IGSF21: variants seen among roughly 807,000 people sequenced by gnomAD.
IGSF21 encodes immunoglobulin superfamily member 21.
Under a neutral mutation model 46.8 loss-of-function variants are expected in IGSF21, and 28 were observed. The observed-to-expected ratio is 0.60, with a 90% confidence interval of 0.44 to 0.82. The LOEUF is 0.82. Ranked by LOEUF, IGSF21 falls within the 40% of genes least tolerant of loss-of-function variation. The pLI is 0.00. For missense variants in IGSF21, 624 were observed against 665.5 expected, an observed-to-expected ratio of 0.94 and a Z score of 0.69; for synonymous variants, 284 against 273.6, an observed-to-expected ratio of 1.04 and a Z score of -0.38.
At chr1:18,258,120 A>C (rs1240395798) in intron 2 of IGSF21, among the ~76,000 whole-genome samples, 4 of 151,854 alleles carry the variant, frequency 2.6e-5, no homozygotes, top group Non-Finnish European at 5.9e-5. Flanking sequence ...GCTCCTTGAC[A>C]CTCCCCAAGT....
At chr1:18,308,464 G>A (rs190241433) in intron 3 of IGSF21, among the ~76,000 whole-genome samples, 2 of 152,302 alleles carry the variant, frequency 1.3e-5, no homozygotes, top group African/African-American at 4.8e-5. Context: ...CACACAAAGA[G>A]TTTAGGTTTG....
At chr1:18,325,945 A>C (rs12725852) in intron 3 of IGSF21, among the ~76,000 whole-genome samples, 51,139 of 144,528 alleles carry the variant, frequency 0.35, 10,170 homozygotes, top group South Asian at 0.51. Flanking sequence ...AGGCCAAGCT[A>C]ACTGACCTGA....
At chr1:18,147,369 T>G (rs1016142503) in intron 1 of IGSF21, among the ~76,000 whole-genome samples, 2 of 152,092 alleles carry the variant, frequency 1.3e-5, no homozygotes, top group African/African-American at 4.8e-5. Context: ...CTCCCAAGCG[T>G]GCTTGTCCAG....
intron 4 of IGSF21, among the ~76,000 whole-genome samples, chr1:18,338,124 G>A (rs2085790984): frequency 6.6e-6 from 1 of 152,166 alleles, no homozygotes; most frequent in African/African-American, 2.4e-5. Flanking sequence ...CGAGGTTGGA[G>A]GGTTAAAGGA....
At chr1:18,273,223 T>C (rs1235240210) in intron 2 of IGSF21, among the ~76,000 whole-genome samples, 1 of 151,688 alleles carries the variant, frequency 6.6e-6, no homozygotes, top group Non-Finnish European at 1.5e-5. Flanking sequence ...GTATTTTTAG[T>C]AGAGACGGGG....
intron 1 of IGSF21, among the ~76,000 whole-genome samples, chr1:18,182,815 C>T (rs2086869429): frequency 6.6e-6 from 1 of 152,182 alleles, no homozygotes; most frequent in African/African-American, 2.4e-5. Context: ...CTAATGGGGT[C>T]CGAAGCCTCT....
At chr1:18,149,385 G>T (rs1334203183) in intron 1 of IGSF21, among the ~76,000 whole-genome samples, 1 of 152,218 alleles carries the variant, frequency 6.6e-6, no homozygotes, top group African/African-American at 2.4e-5. Context: ...CACAGAGGGA[G>T]GGGGTGGCCA....
At chr1:18,213,375 G>A (rs896155665) in intron 1 of IGSF21, among the ~76,000 whole-genome samples, 7 of 152,092 alleles carry the variant, frequency 4.6e-5, no homozygotes, top group Non-Finnish European at 7.3e-5. Flanking sequence ...GGGCTTTTGG[G>A]GACCATAGGA....
At chr1:18,217,299 C>T (rs1350094507) in intron 1 of IGSF21, among the ~76,000 whole-genome samples, 4 of 152,208 alleles carry the variant, frequency 2.6e-5, no homozygotes, top group Admixed American at 6.5e-5. Context: ...CCGCTGCCCC[C>T]TGAGGAAAGG....
At chr1:18,158,061 C>T (rs546314991) in intron 1 of IGSF21, among the ~76,000 whole-genome samples, 38 of 152,280 alleles carry the variant, frequency 2.5e-4, no homozygotes, top group African/African-American at 8.9e-4. Context: ...ATATCTCCCC[C>T]ATCAAACTGG....
chr1:18,272,895 A>G (rs775675727), intron 2 of IGSF21, among the ~76,000 whole-genome samples: 13 of 152,158 alleles, frequency 8.5e-5, no homozygotes, highest in Non-Finnish European at 1.6e-4. Context: ...AGGAGACAAT[A>G]AAACCACAAA....
intron 3 of IGSF21, among the ~76,000 whole-genome samples, chr1:18,295,411 C>T (rs932164609): frequency 3.3e-5 from 5 of 152,158 alleles, no homozygotes; most frequent in African/African-American, 1.2e-4. Flanking sequence ...CACGGCTTTG[C>T]AATCTAGTCG....
chr1:18,238,628 G>A (rs1445127879), intron 2 of IGSF21, among the ~76,000 whole-genome samples: 2 of 152,072 alleles, frequency 1.3e-5, no homozygotes, highest in African/African-American at 2.4e-5. Context: ...CTCTTGAGAG[G>A]GGGTGCCAAC....
chr1:18,288,433 C>A (rs1299697847), intron 2 of IGSF21, among the ~76,000 whole-genome samples: 1 of 152,220 alleles, frequency 6.6e-6, no homozygotes. Context: ...GGACTGTGTA[C>A]CTCTTGTGAA....
chr1:18,311,332 C>T (rs921366857), intron 3 of IGSF21, among the ~76,000 whole-genome samples: 1 of 152,210 alleles, frequency 6.6e-6, no homozygotes, highest in Non-Finnish European at 1.5e-5. Context: ...ATCCATAAGA[C>T]TAATCACTGT....
At chr1:18,121,706 G>A (rs1282591630) in intron 1 of IGSF21, among the ~76,000 whole-genome samples, 1 of 152,060 alleles carries the variant, frequency 6.6e-6, no homozygotes, top group Non-Finnish European at 1.5e-5. Context: ...CCATTCCTAC[G>A]TGCTCAGTGG....
Position 18,303,232 on chromosome 1 carries a change from C to G in IGSF21, c.305+11245C>G, listed in dbSNP as rs373521601. Among the ~76,000 whole-genome samples the G allele has an allele frequency of 9.4e-4, 143 of 152,276 alleles. 2 individuals are homozygous for G. In the South Asian group the frequency reaches 0.022, roughly 23 times the overall value. On this transcript the variant is annotated intron_variant, in intron 3 of 9. Coordinates refer to ENST00000251296, the MANE Select transcript of IGSF21 (RefSeq NM_032880.5). ...TCCAAATATGGAATTATGATTTCAG[C>G]AAAACTCTTCCCCACCCATTGTTTG...
chr1:18,232,393 G>A (rs868196339), intron 2 of IGSF21, among the ~76,000 whole-genome samples: 2 of 152,018 alleles, frequency 1.3e-5, no homozygotes, highest in African/African-American at 2.4e-5. Flanking sequence ...TATTAATGCT[G>A]CTTATACTAA....
At chr1:18,313,823 G>A (rs1053220560) in intron 3 of IGSF21, among the ~76,000 whole-genome samples, 3 of 152,168 alleles carry the variant, frequency 2.0e-5, no homozygotes, top group Non-Finnish European at 4.4e-5. Flanking sequence ...GGGCCACTGC[G>A]CTCTCTCACC....
Sources: allele counts gnomAD v4.1 joint callset (sites outside exome capture counted in the v4.1 genomes callset), GRCh38; gene constraint gnomAD v4.1.1; transcripts MANE v1.5; gene names NCBI Gene and HGNC (gene_info 2026-07-23, HGNC 2026-07-21).